Variants in GLO1 observed in about 807,000 individuals in gnomAD.
GLO1 encodes the protein glyoxalase I.
A neutral mutation model predicts 26.0 loss-of-function variants in GLO1; 28 were observed. The ratio of observed to expected loss-of-function variants is 1.08; its 90% CI spans 0.80 to 1.48. The LOEUF is 1.48. Among genes scored for constraint, GLO1 ranks in the 40% most tolerant of loss-of-function variants. The pLI is 0.00. For missense variants in GLO1, 225 were observed against 224.8 expected, an observed-to-expected ratio of 1.00 and a Z score of -0.01; for synonymous variants, 78 against 77.6, an observed-to-expected ratio of 1.00 and a Z score of -0.03.
intron 5 of GLO1, among the ~76,000 whole-genome samples, chr6:38,678,157 T>C (rs1761295565): frequency 6.6e-6 from 1 of 151,950 alleles, no homozygotes; most frequent in South Asian, 2.1e-4. Flanking sequence ...AGATTGAGAG[T>C]CTAGTATGTC....
intron 5 of GLO1, among the ~76,000 whole-genome samples, chr6:38,678,342 G>GAGAA (rs151177886): frequency 0.028 from 3,695 of 133,904 alleles, 160 homozygotes; most frequent in African/African-American, 0.093. Flanking sequence ...GAAAGAGAAA[G>GAGAA]AGAGAAAGAG....
chr6:38,687,011 T>G (rs1485511963), intron 1 of GLO1, 37 bp from the exon 2 acceptor site: 2 of 1,535,286 alleles, frequency 1.3e-6, no homozygotes, highest in Non-Finnish European at 1.8e-6. Flanking sequence ...TCTTTCACTT[T>G]TACCATTTAT....
chr6:38,702,442 C>T (rs924206034), intron 1 of GLO1, among the ~76,000 whole-genome samples: 3 of 152,150 alleles, frequency 2.0e-5, no homozygotes, highest in Non-Finnish European at 4.4e-5. Context: ...TCTCCTGGGC[C>T]CCACGAAGAT....
chr6:38,687,222 TTGG>T (rs1445385476), intron 1 of GLO1: 3 of 352,240 alleles, frequency 8.5e-6, no homozygotes, highest in Non-Finnish European at 1.2e-5. Context: ...TCCCTGTCCC[TTGG>T]TGGGACAATT....
chr6:38,676,315 T>G lies in GLO1; in HGVS notation c.*980A>C, dbSNP rs895380307. On this transcript the variant is annotated 3_prime_UTR_variant, in exon 6 of 6. Coordinates refer to ENST00000373365, the MANE Select transcript of GLO1 (RefSeq NM_006708.3). ...AGACCTTGGGATAGGGAAGACTCTT[T>G]ATGAGAAATATAAACATCACTTGTG... is the stretch of plus-strand genomic sequence containing the variant. 3.3e-5 allele frequency: 5 copies of G among 152,174 alleles called. No homozygotes were observed. Among genetic ancestry groups the G allele is most frequent in the Non-Finnish European group, 5.9e-5 (4 of 68,024 alleles). 9.4% of individuals were successfully genotyped at this position (152,174 alleles called of 1,614,324 possible). A position where few individuals can be genotyped will look rare whatever the true frequency, so the allele number is the denominator to read the frequency against.
intron 1 of GLO1, among the ~76,000 whole-genome samples, chr6:38,695,855 G>A (rs890613668): frequency 7.2e-5 from 11 of 151,792 alleles, no homozygotes; most frequent in Admixed American, 6.6e-5. Context: ...GCTTTTTTTT[G>A]GTCTGTGTCC....
At chr6:38,681,397 A>T (rs760747601) in intron 5 of GLO1, among the ~76,000 whole-genome samples, 1 of 152,166 alleles carries the variant, frequency 6.6e-6, no homozygotes, top group African/African-American at 2.4e-5. Flanking sequence ...TTAAAAAAGG[A>T]TTGAAATTAA....
chr6:38,703,003 T>C lies in GLO1; in HGVS notation c.52A>G (p.Ser18Gly). 1.3e-6 allele frequency: 2 copies of C among 1,585,406 alleles called. No individual in the cohort carries two copies. Among genetic ancestry groups the C allele is most frequent in the Non-Finnish European group, 1.7e-6 (2 of 1,160,752 alleles). ...CTGGGGTCCGCGTCGGAGCAGCAAC[T>C]GAGGGCGGCCTCGTCCGTGAGGCCG... ...SGGLTDEAAL[S>G]CCSDADPSTK... The change falls in exon 1 of 6, where the codon AGT becomes GGT. Residue 18 changes from serine (S) to glycine (G), a missense_variant. Coordinates refer to ENST00000373365, the MANE Select transcript of GLO1 (RefSeq NM_006708.3).
chr6:38,685,823 T>C (rs1227196369), intron 2 of GLO1, among the ~76,000 whole-genome samples: 1 of 152,204 alleles, frequency 6.6e-6, no homozygotes, highest in Non-Finnish European at 1.5e-5. Context: ...TTGTACCCTA[T>C]TTGGGGGCTC....
intron 1 of GLO1, among the ~76,000 whole-genome samples, chr6:38,691,313 T>C (rs1761527527): frequency 7.4e-6 from 1 of 135,780 alleles, no homozygotes; most frequent in South Asian, 2.2e-4. Context: ...GTAAGAAAAC[T>C]TTTTTTTTTT....
chr6:38,679,654 A>G (rs1264157857), intron 5 of GLO1, among the ~76,000 whole-genome samples: 1 of 152,030 alleles, frequency 6.6e-6, no homozygotes, highest in Non-Finnish European at 1.5e-5. Context: ...AATTAGCCAT[A>G]CATGGTGGCA....
intron 3 of GLO1, 32 bp downstream of exon 3, chr6:38,684,342 T>C: frequency 2.6e-6 from 3 of 1,145,042 alleles, no homozygotes; most frequent in Non-Finnish European, 3.4e-6. Context: ...AAAAAATCTA[T>C]AATATATATA....
intron 1 of GLO1, among the ~76,000 whole-genome samples, chr6:38,694,590 G>A (rs974833970): frequency 1.6e-4 from 25 of 151,954 alleles, no homozygotes; most frequent in African/African-American, 5.8e-4. Context: ...GAGGTAGGAG[G>A]AGCCCTTGAA....
At chr6:38,694,281 C>T (rs1425629700) in intron 1 of GLO1, among the ~76,000 whole-genome samples, 1 of 152,002 alleles carries the variant, frequency 6.6e-6, no homozygotes, top group Non-Finnish European at 1.5e-5. Context: ...TGTTGTTGTT[C>T]GGTAGAACAT....
chr6:38,694,162 G>A lies in GLO1; in HGVS notation c.85-7188C>T, dbSNP rs536724231. ...CTAGTTTAATTCCACTGTTGCTGAA[G>A]AATACATCATTCCATTCTTTTAAAT... On this transcript the variant is annotated intron_variant, in intron 1 of 5. Coordinates refer to ENST00000373365, the MANE Select transcript of GLO1 (RefSeq NM_006708.3). Among the ~76,000 whole-genome samples, 8 of 152,210 alleles carry A rather than the reference G, an allele frequency of 5.3e-5. No homozygotes were observed. In the East Asian group the frequency reaches 1.5e-3, roughly 29 times the overall value.
chr6:38,680,174 A>C (rs779291165), intron 5 of GLO1, among the ~76,000 whole-genome samples: 2 of 152,236 alleles, frequency 1.3e-5, no homozygotes, highest in African/African-American at 2.4e-5. Flanking sequence ...ACTGTCCTTC[A>C]GACATAAAGG....
intron 1 of GLO1, among the ~76,000 whole-genome samples, chr6:38,699,744 A>G (rs58749921): frequency 0.14 from 21,270 of 151,784 alleles, 3,705 homozygotes; most frequent in African/African-American, 0.4. Context: ...AAAAAACTTC[A>G]CCCTAGTAAA....
chr6:38,702,197 G>A (rs1029096291), intron 1 of GLO1, among the ~76,000 whole-genome samples: 1 of 152,262 alleles, frequency 6.6e-6, no homozygotes, highest in East Asian at 1.9e-4. Flanking sequence ...AAAGTGCTGG[G>A]ATTACAGGCG....
In GLO1 at chr6:38,686,909, A is replaced by G. The variant is rs771521865; in HGVS notation, c.150T>C (p.Thr50=). Residue 50 remains threonine (T), a synonymous_variant, in exon 2 of 6, where the codon ACT becomes ACC. Coordinates refer to ENST00000373365, the MANE Select transcript of GLO1 (RefSeq NM_006708.3). ...KDPKKSLDFY[T]RVLGMTLIQK... Reference sequence around the variant, plus strand: ...TGACTTACGTCATTCCAAGAACTCTAGTATAAAAATCCAGTGACTTCTTAG... The same window carrying G: ...TGACTTACGTCATTCCAAGAACTCTGGTATAAAAATCCAGTGACTTCTTAG... 47 of 1,575,936 alleles carry G rather than the reference A, an allele frequency of 3.0e-5. No homozygotes were observed. The South Asian group carries it at 4.9e-4, about 16-fold the overall frequency.
Sources: gnomAD v4.1 joint callset for allele counts (sites outside exome capture counted in the v4.1 genomes callset) on GRCh38, gnomAD v4.1.1 for gene constraint, MANE v1.5 for transcripts, NCBI Gene and HGNC (gene_info 2026-07-23, HGNC 2026-07-21) for gene names.